The following PHF24 variants were observed in gnomAD, a reference collection of about 807,000 sequenced individuals.
The protein encoded by PHF24 is Galpha inhibitory interacting protein.
A neutral mutation model predicts 42.6 loss-of-function variants in PHF24; 25 were observed. The ratio of observed to expected loss-of-function variants is 0.59; its 90% CI spans 0.43 to 0.82. The LOEUF is 0.82. Ranked by LOEUF, PHF24 falls within the 40% of genes least tolerant of loss-of-function variation. The pLI is 0.00. For missense variants in PHF24, 470 were observed against 538.1 expected (o/e 0.87, Z 1.25); for synonymous variants, 185 against 204.8 (o/e 0.90, Z 0.83).
the PHF24 span, among the ~76,000 whole-genome samples, chr9:34,730,784 G>C: frequency 2.0e-5 from 3 of 152,332 alleles, no homozygotes; most frequent in South Asian, 6.2e-4. Context: ...TGCAGGTTGT[G>C]GGTAAAAGGA....
the PHF24 span, among the ~76,000 whole-genome samples, chr9:34,932,336 G>A: frequency 6.6e-6 from 1 of 152,200 alleles, no homozygotes; most frequent in Admixed American, 6.5e-5. Flanking sequence ...GGAAAAGGGG[G>A]TTGAACTTTG....
chr9:34,907,846 T>C, the PHF24 span, among the ~76,000 whole-genome samples: 1 of 152,274 alleles, frequency 6.6e-6, no homozygotes, highest in East Asian at 1.9e-4. Flanking sequence ...TGCTTTGTTT[T>C]GTTTTGTTTC....
chr9:34,861,005 A>G, the PHF24 span, among the ~76,000 whole-genome samples: 1 of 152,212 alleles, frequency 6.6e-6, no homozygotes, highest in Non-Finnish European at 1.5e-5. Context: ...GCACAGTTAC[A>G]TAGCCAAGCT....
the PHF24 span, among the ~76,000 whole-genome samples, chr9:34,805,850 G>C: frequency 6.6e-6 from 1 of 152,218 alleles, no homozygotes; most frequent in South Asian, 2.1e-4. Context: ...TTAGCTTTTT[G>C]TTCAAGTCTT....
the PHF24 span, among the ~76,000 whole-genome samples, chr9:34,908,042 C>G: frequency 3.3e-5 from 5 of 152,234 alleles, no homozygotes; most frequent in African/African-American, 1.2e-4. Context: ...GGGGCTTCAT[C>G]ATGTTGGTCA....
the PHF24 span, among the ~76,000 whole-genome samples, chr9:34,719,025 T>C: frequency 6.6e-6 from 1 of 152,166 alleles, no homozygotes; most frequent in South Asian, 2.1e-4. Context: ...AAACCTGAAG[T>C]AGTAAATTTT....
At chr9:34,782,912 A>T in the PHF24 span, among the ~76,000 whole-genome samples, 1 of 152,166 alleles carries the variant, frequency 6.6e-6, no homozygotes, top group South Asian at 2.1e-4. Context: ...AGCCTCAAAT[A>T]CTTGAACTCC....
the PHF24 span, among the ~76,000 whole-genome samples, chr9:34,869,576 C>T: frequency 2.6e-5 from 4 of 152,058 alleles, no homozygotes; most frequent in African/African-American, 9.7e-5. Flanking sequence ...CAGAACAGCT[C>T]CCCCTGCCTC....
At chr9:34,952,382 A>T in the PHF24 span, among the ~76,000 whole-genome samples, 1 of 152,224 alleles carries the variant, frequency 6.6e-6, no homozygotes, top group Non-Finnish European at 1.5e-5. Context: ...TGACCTAACT[A>T]AATGGGGAGA....
At chr9:34,952,361 G>T in the PHF24 span, among the ~76,000 whole-genome samples, 6 of 152,138 alleles carry the variant, frequency 3.9e-5, no homozygotes, top group African/African-American at 1.4e-4. Context: ...ACCAATAAAA[G>T]AAATCATAGG....
the PHF24 span, chr9:34,917,351 G>C: frequency 2.5e-6 from 2 of 814,056 alleles, no homozygotes; most frequent in South Asian, 2.7e-5. Context: ...AGTTGCCTGA[G>C]GGGAATTTTG....
In PHF24 at chr9:34,971,611, A is replaced by C; in HGVS notation, c.313A>C (p.Ile105Leu). The change falls in exon 2 of 8, where the codon ATC becomes CTC. Residue 105 changes from isoleucine (I) to leucine (L), a missense_variant. Transcript: ENST00000242315. ...AAGTCGATTCACACCCCCTGCGTTCATCCGCCCCACCCGGAAGCTGGATGA... is the reference window on the plus strand; with the variant it reads ...AAGTCGATTCACACCCCCTGCGTTCCTCCGCCCCACCCGGAAGCTGGATGA... The C allele has an allele frequency of 1.9e-6, 3 of 1,614,002 alleles. No individual in the cohort carries two copies. The South Asian group carries it at 3.3e-5, about 18-fold the overall frequency.
the PHF24 span, among the ~76,000 whole-genome samples, chr9:34,750,983 C>CA: frequency 6.6e-6 from 1 of 151,880 alleles, no homozygotes; most frequent in African/African-American, 2.4e-5. Flanking sequence ...TTGTTGCCTA[C>CA]AAAAAAACAC....
At chr9:34,776,992 G>C in the PHF24 span, among the ~76,000 whole-genome samples, 1 of 152,262 alleles carries the variant, frequency 6.6e-6, no homozygotes, top group African/African-American at 2.4e-5. Flanking sequence ...AACAGCATCA[G>C]TGGTATCTGT....
At chr9:34,899,262 T>C in the PHF24 span, among the ~76,000 whole-genome samples, 1 of 152,152 alleles carries the variant, frequency 6.6e-6, no homozygotes, top group South Asian at 2.1e-4. Context: ...TATCAAGGAT[T>C]ATTCTTCATT....
intron 2 of PHF24, 59 bp downstream of exon 2, chr9:34,971,735 GA>G: frequency 6.6e-7 from 1 of 1,521,594 alleles, no homozygotes; most frequent in African/African-American, 1.4e-5. Context: ...GCAGGACAGG[GA>G]AGATGGATGT....
the PHF24 span, among the ~76,000 whole-genome samples, chr9:34,818,899 G>GT: frequency 6.6e-6 from 1 of 152,166 alleles, no homozygotes; most frequent in African/African-American, 2.4e-5. Context: ...TTCCTTCAGT[G>GT]TTTAATAGAA....
chr9:34,811,167 CA>C, the PHF24 span, among the ~76,000 whole-genome samples: 2 of 152,160 alleles, frequency 1.3e-5, no homozygotes, highest in Non-Finnish European at 2.9e-5. Context: ...ACCAAGGTTA[CA>C]AAGATTAAAC....
chr9:34,668,646 C>T, the PHF24 span, among the ~76,000 whole-genome samples: 3 of 152,220 alleles, frequency 2.0e-5, no homozygotes, highest in Non-Finnish European at 4.4e-5. Context: ...TCAGGCAAAC[C>T]TGCCTCTTGT....
Sources: allele counts gnomAD v4.1 joint callset (sites outside exome capture counted in the v4.1 genomes callset), GRCh38; gene constraint gnomAD v4.1.1; transcripts MANE v1.5; gene names NCBI Gene and HGNC (gene_info 2026-07-23, HGNC 2026-07-21).